The following CFAP299 variants were observed in gnomAD, a reference collection of about 807,000 sequenced individuals.
CFAP299 encodes the protein cilia- and flagella-associated protein 299.
A neutral mutation model predicts 27.0 loss-of-function variants in CFAP299; 21 were observed. The ratio of observed to expected loss-of-function variants is 0.78; its 90% CI spans 0.55 to 1.12. The LOEUF (loss-of-function observed/expected upper bound fraction) is 1.12. Ranked by LOEUF, CFAP299 falls within the 50% of genes most tolerant of loss-of-function variation. The pLI is 0.00. For missense variants in CFAP299, 310 were observed against 276.6 expected, an observed-to-expected ratio of 1.12 and a Z score of -0.86; for synonymous variants, 104 against 98.1, an observed-to-expected ratio of 1.06 and a Z score of -0.36.
rs139796935 is a variant in CFAP299, at chr4:80,466,234, C to G, written c.242+103350C>G. ...GCATCTACTTAAATGTAAAAAATGG[C>G]ATAAAGTACAAGTTAAATGCCCTTT... is the stretch of plus-strand genomic sequence containing the variant. On this transcript the variant is annotated intron_variant, in intron 2 of 5. Coordinates refer to ENST00000358105, the MANE Select transcript of CFAP299 (RefSeq NM_152770.3). Among the ~76,000 whole-genome samples, 130 of 152,250 alleles carry G rather than the reference C, an allele frequency of 8.5e-4. 1 individual carries two copies. Among genetic ancestry groups the G allele is most frequent in the African/African-American group, 3.1e-3 (128 of 41,558 alleles).
intron 1 of CFAP299, among the ~76,000 whole-genome samples, chr4:80,344,148 G>A (rs1578335018): frequency 6.6e-6 from 1 of 151,986 alleles, no homozygotes; most frequent in East Asian, 1.9e-4. Flanking sequence ...ACCAACATCA[G>A]AGCTGAACTG....
In CFAP299 at chr4:80,467,142, C is replaced by T. The variant is rs188682862; in HGVS notation, c.242+104258C>T. The stretch of plus-strand genomic sequence containing the variant: ...TATGTTGGAGCCAGCATTCACAAGC[C>T]TGCAAGTCAATTGAGCACGACACTT... On this transcript the variant is annotated intron_variant, in intron 2 of 5. Coordinates refer to ENST00000358105, the MANE Select transcript of CFAP299 (RefSeq NM_152770.3). Among the ~76,000 whole-genome samples the T allele has an allele frequency of 2.4e-3, 367 of 152,272 alleles. 2 individuals carry two copies. The highest frequency in any genetic ancestry group is 8.6e-3 in the African/African-American group (357 of 41,554).
At chr4:80,710,385 C>A (rs1184958655) in intron 3 of CFAP299, among the ~76,000 whole-genome samples, 1 of 151,594 alleles carries the variant, frequency 6.6e-6, no homozygotes, top group Non-Finnish European at 1.5e-5. Flanking sequence ...CAAATAAACA[C>A]ACTAAGAGGG....
intron 2 of CFAP299, among the ~76,000 whole-genome samples, chr4:80,412,794 A>G (rs933249083): frequency 6.6e-6 from 1 of 152,176 alleles, no homozygotes; most frequent in Non-Finnish European, 1.5e-5. Flanking sequence ...TCATCTGTCT[A>G]TTCATTTTTT....
chr4:80,573,825 T>G (rs1297395315), intron 2 of CFAP299, among the ~76,000 whole-genome samples: 1 of 152,172 alleles, frequency 6.6e-6, no homozygotes, highest in Non-Finnish European at 1.5e-5. Context: ...TATGTATCTG[T>G]TTTTATGCCA....
In CFAP299 at chr4:80,821,224, G is replaced by A. The variant is rs1054374110; in HGVS notation, c.334-48769G>A. Among the ~76,000 whole-genome samples, 3 of 152,194 alleles carry A rather than the reference G, an allele frequency of 2.0e-5. No individual in the cohort carries two copies. The South Asian group carries it at 6.2e-4, about 32-fold the overall frequency. ...GACTAAATAAACCACCATCCTTCCT[G>A]TGCATTATAATTTAGAAATTCATCA... On this transcript the variant is annotated intron_variant, in intron 3 of 5. Coordinates refer to ENST00000358105, the MANE Select transcript of CFAP299 (RefSeq NM_152770.3).
chr4:80,420,088 T>G, intron 2 of CFAP299: 1 of 413,830 alleles, frequency 2.4e-6, no homozygotes, highest in Non-Finnish European at 4.9e-6. Flanking sequence ...GGTGGCAGAA[T>G]AGATCATGGG....
intron 2 of CFAP299, among the ~76,000 whole-genome samples, chr4:80,543,004 C>G (rs1734075882): frequency 1.3e-5 from 2 of 152,100 alleles, no homozygotes; most frequent in African/African-American, 2.4e-5. Flanking sequence ...AACCCTCCAG[C>G]CCAGCCAGGG....
At chr4:80,749,486 T>TGAA (rs1449487954) in intron 3 of CFAP299, among the ~76,000 whole-genome samples, 1 of 152,136 alleles carries the variant, frequency 6.6e-6, no homozygotes, top group African/African-American at 2.4e-5. Flanking sequence ...TATCACAAGG[T>TGAA]GAAGTCCCAC....
intron 4 of CFAP299, among the ~76,000 whole-genome samples, chr4:80,939,543 T>G (rs1737087613): frequency 6.6e-6 from 1 of 152,296 alleles, no homozygotes; most frequent in Middle Eastern, 3.4e-3. Flanking sequence ...ACTTTGTTTA[T>G]GTACTGCTTT....
At chr4:80,801,107 C>T (rs1387059926) in intron 3 of CFAP299, among the ~76,000 whole-genome samples, 1 of 151,692 alleles carries the variant, frequency 6.6e-6, no homozygotes, top group Non-Finnish European at 1.5e-5. Context: ...GCAACACCCT[C>T]ACAGACACAC....
rs776511656 is a variant in CFAP299 at position 80,431,406 on chromosome 4, T to TA, written c.242+68522_242+68523insA. ...CTTCTTCCTCCCTCTCTTCCTTTCT[T>TA]CCTTCCTCCCTCCTTTTTTCCCTTC... On this transcript the variant is annotated intron_variant, in intron 2 of 5. Coordinates refer to ENST00000358105, the MANE Select transcript of CFAP299 (RefSeq NM_152770.3). 1.8e-3 allele frequency among the ~76,000 whole-genome samples: 261 copies of TA among 146,752 alleles called. 3 individuals are homozygous for TA. The highest frequency in any genetic ancestry group is 5.9e-3 in the African/African-American group (237 of 40,332).
intron 2 of CFAP299, among the ~76,000 whole-genome samples, chr4:80,379,438 T>C (rs1049643779): frequency 1.3e-5 from 2 of 150,312 alleles, no homozygotes; most frequent in Non-Finnish European, 1.5e-5. Context: ...CCTAGTTGCA[T>C]TGTAATTAAT....
intron 3 of CFAP299, among the ~76,000 whole-genome samples, chr4:80,802,315 A>C (rs547597903): frequency 3.7e-4 from 57 of 152,170 alleles, no homozygotes; most frequent in African/African-American, 1.3e-3. Context: ...CTTTACTCAA[A>C]ATATATTGTT....
In CFAP299 at chr4:80,719,412, C is replaced by G. The variant is rs181280739; in HGVS notation, c.333+136229C>G. On this transcript the variant is annotated intron_variant, in intron 3 of 5. Transcript: ENST00000358105. ...GTTTCTCTTGGGTCTTAGGGTAATT[C>G]TATGCTTAACTTTATAGAAAACTAC... 4.6e-5 allele frequency among the ~76,000 whole-genome samples: 7 copies of G among 152,260 alleles called. No individual in the cohort carries two copies. In the East Asian group the frequency reaches 1.3e-3, roughly 29 times the overall value.
intron 2 of CFAP299, among the ~76,000 whole-genome samples, chr4:80,433,148 C>T (rs2110080190): frequency 6.6e-6 from 1 of 151,474 alleles, no homozygotes; most frequent in South Asian, 2.1e-4. Flanking sequence ...TTAGTTCCTA[C>T]CTATGAAAAA....
chr4:80,609,685 G>A (rs1737864313), intron 3 of CFAP299, among the ~76,000 whole-genome samples: 1 of 151,372 alleles, frequency 6.6e-6, no homozygotes, highest in Non-Finnish European at 1.5e-5. Context: ...CCTATTTTTT[G>A]TTTATTTAAC....
chr4:80,347,604 A>G (rs1393276193), intron 1 of CFAP299, among the ~76,000 whole-genome samples: 1 of 152,218 alleles, frequency 6.6e-6, no homozygotes, highest in Non-Finnish European at 1.5e-5. Context: ...AAGGAGAACT[A>G]CAAACCTCTG....
chr4:80,768,435 T>C (rs941984278), intron 3 of CFAP299, among the ~76,000 whole-genome samples: 1 of 152,220 alleles, frequency 6.6e-6, no homozygotes. Flanking sequence ...TTAGATACTT[T>C]ACAAAACATT....
Sources: gnomAD v4.1 joint callset for allele counts (sites outside exome capture counted in the v4.1 genomes callset) on GRCh38, gnomAD v4.1.1 for gene constraint, MANE v1.5 for transcripts, NCBI Gene and HGNC (gene_info 2026-07-23, HGNC 2026-07-21) for gene names.